The following LOXL2 variants were observed in gnomAD, a reference collection of about 807,000 sequenced individuals.
LOXL2 encodes lysyl oxidase homolog 2.
Under a neutral mutation model 93.0 loss-of-function variants are expected in LOXL2, and 70 were observed. That is an observed-to-expected ratio of 0.75 (90% CI 0.62 to 0.92). LOXL2 has a LOEUF of 0.92. Among genes scored for constraint, LOXL2 ranks in the 40% least tolerant of loss-of-function variants. LOXL2 has a pLI of 0.00. For synonymous variants in LOXL2, 438 were observed against 413.2 expected (o/e 1.06, Z -0.73); for missense variants, 973 against 1,054.9 (o/e 0.92, Z 1.08).
chr8:23,346,550 T>C (rs1348219580), intron 3 of LOXL2, among the ~76,000 whole-genome samples: 1 of 152,208 alleles, frequency 6.6e-6, no homozygotes, highest in Non-Finnish European at 1.5e-5. Context: ...TAAATGACAT[T>C]TCATATTTGC....
chr8:23,342,545 C>A (rs2117183129), intron 3 of LOXL2, among the ~76,000 whole-genome samples: 1 of 151,622 alleles, frequency 6.6e-6, no homozygotes, highest in African/African-American at 2.4e-5. Context: ...CATTCTCCTG[C>A]CTCAGCCTCC....
At chr8:23,371,491 G>A (rs1388908435) in intron 1 of LOXL2, among the ~76,000 whole-genome samples, 1 of 152,050 alleles carries the variant, frequency 6.6e-6, no homozygotes, top group Non-Finnish European at 1.5e-5. Flanking sequence ...AGTGGCTCAC[G>A]CCTGTAATCC....
rs1333043615 is a variant in LOXL2 at position 23,340,988 on chromosome 8, T to C, written c.743+4A>G. 1 of 1,613,482 alleles carries C rather than the reference T, an allele frequency of 6.2e-7. No individual in the cohort carries two copies. The highest frequency in any genetic ancestry group is 1.1e-5 in the South Asian group (1 of 91,068). ...AAGCCACCCCTTTGGTGCAGTCCTC[T>C]TACTTGTACACTTTGGTATTGTATG... On this transcript the variant is annotated splice_donor_region_variant and intron_variant, in intron 4 of 13. Coordinates refer to ENST00000389131, the MANE Select transcript of LOXL2 (RefSeq NM_002318.3).
intron 8 of LOXL2, among the ~76,000 whole-genome samples, chr8:23,318,102 G>A (rs1237033320): frequency 6.6e-6 from 1 of 151,870 alleles, no homozygotes; most frequent in Non-Finnish European, 1.5e-5. Flanking sequence ...TTAATCAGTA[G>A]ACTTTGAGTA....
At chr8:23,387,050 C>T (rs927092509) in intron 1 of LOXL2, among the ~76,000 whole-genome samples, 2 of 152,046 alleles carry the variant, frequency 1.3e-5, no homozygotes, top group Admixed American at 1.3e-4. Flanking sequence ...AGGAGTGGGT[C>T]GTAATTAAAG....
chr8:23,301,954 A>G lies in LOXL2; in HGVS notation c.2133+73T>C, dbSNP rs115543802. On this transcript the variant is annotated intron_variant, in intron 12 of 13. Coordinates refer to ENST00000389131, the MANE Select transcript of LOXL2 (RefSeq NM_002318.3). Reference sequence around the variant, plus strand: ...CTTCCATGCCCCTGTGTGGACACCAATGGGAAGGAGCCTGTGGAGGTGGCC... The same window carrying G: ...CTTCCATGCCCCTGTGTGGACACCAGTGGGAAGGAGCCTGTGGAGGTGGCC... 6.5e-4 allele frequency: 1,030 copies of G among 1,581,738 alleles called. 7 individuals carry two copies. The African/African-American group carries it at 0.013, about 20-fold the overall frequency.
At chr8:23,373,510 G>A (rs7818416) in intron 1 of LOXL2, among the ~76,000 whole-genome samples, 49,187 of 151,966 alleles carry the variant, frequency 0.32, 8,140 homozygotes, top group East Asian at 0.44. Flanking sequence ...AAGTTTTTGG[G>A]TTGCTTTTTA....
chr8:23,316,807 C>G, intron 9 of LOXL2, 142 bp downstream of exon 9: 1 of 835,830 alleles, frequency 1.2e-6, no homozygotes, highest in Non-Finnish European at 1.8e-6. Flanking sequence ...CTCTCTTGCC[C>G]CCAGTTTTTC....
At chr8:23,345,415 C>T (rs1304048345) in intron 3 of LOXL2, among the ~76,000 whole-genome samples, 3 of 152,202 alleles carry the variant, frequency 2.0e-5, no homozygotes, top group Non-Finnish European at 4.4e-5. Context: ...GCCCAGCACC[C>T]CATGTCGAGG....
At chr8:23,392,107 A>G (rs941376858) in intron 1 of LOXL2, among the ~76,000 whole-genome samples, 1 of 152,166 alleles carries the variant, frequency 6.6e-6, no homozygotes, top group African/African-American at 2.4e-5. Flanking sequence ...CTAATAATCA[A>G]TCCTTTAGGC....
chr8:23,392,441 C>T (rs1298514837), intron 1 of LOXL2, among the ~76,000 whole-genome samples: 6 of 152,198 alleles, frequency 3.9e-5, no homozygotes, highest in Non-Finnish European at 8.8e-5. Context: ...AGAGAGAGAC[C>T]TGCAGGTCCT....
At chr8:23,338,788 C>T (rs1184570187) in intron 4 of LOXL2, among the ~76,000 whole-genome samples, 1 of 152,232 alleles carries the variant, frequency 6.6e-6, no homozygotes, top group Admixed American at 6.5e-5. Context: ...TATCCCTAGT[C>T]CCAGGCCAGT....
At chr8:23,333,317 C>T (rs1803735249) in intron 5 of LOXL2, 84 bp downstream of exon 5, 2 of 1,312,216 alleles carry the variant, frequency 1.5e-6, no homozygotes, top group Admixed American at 3.4e-5. Context: ...CTTCCTCACT[C>T]TCCTGGGGGA....
chr8:23,349,969 T>C (rs768065139), intron 3 of LOXL2, among the ~76,000 whole-genome samples: 1 of 152,164 alleles, frequency 6.6e-6, no homozygotes, highest in African/African-American at 2.4e-5. Flanking sequence ...AATAAAGTTA[T>C]GCAGTCCTCA....
At chr8:23,342,455 G>A (rs1290655345) in intron 3 of LOXL2, among the ~76,000 whole-genome samples, 56 of 146,648 alleles carry the variant, frequency 3.8e-4, no homozygotes, top group African/African-American at 5.6e-4. Context: ...TTTTTGAGAC[G>A]GAGTCTCGCT....
rs781170742 is a variant in LOXL2 at position 23,341,045 on chromosome 8, G to A, written c.690C>T (p.Val230=). The A allele has an allele frequency of 6.2e-7, 1 of 1,614,162 alleles. No individual in the cohort carries two copies. Among genetic ancestry groups the A allele is most frequent in the Admixed American group, 1.7e-5 (1 of 60,032 alleles). Residue 230 remains valine (V), a synonymous_variant, in exon 4 of 14, where the codon GTC becomes GTT. Coordinates refer to ENST00000389131, the MANE Select transcript of LOXL2 (RefSeq NM_002318.3). ...CCCCAGGGAAGCCAAACATGCCGCAGACCACGCGGGAATTCTTGGCCGTCC... is the reference window on the plus strand; with the variant it reads ...CCCCAGGGAAGCCAAACATGCCGCAAACCACGCGGGAATTCTTGGCCGTCC... ...KHWTAKNSRV[V]CGMFGFPGER... is the part of the protein sequence containing the mutation.
chr8:23,309,940 G>C, intron 9 of LOXL2, 29 bp from the exon 10 acceptor site: 1 of 1,434,268 alleles, frequency 7.0e-7, no homozygotes, highest in Non-Finnish European at 9.2e-7. Flanking sequence ...TGGTCAACAA[G>C]GCAAGAGACC....
chr8:23,339,581 T>C (rs1803847874), intron 4 of LOXL2, among the ~76,000 whole-genome samples: 1 of 152,100 alleles, frequency 6.6e-6, no homozygotes, highest in Admixed American at 6.5e-5. Flanking sequence ...CTGTCCAGCT[T>C]AGAACAGCAG....
At position 23,369,404 on chromosome 8, in the gene LOXL2, C is replaced by G. The variant is rs556949584; in HGVS notation, c.-83-970G>C. Among the ~76,000 whole-genome samples the G allele has an allele frequency of 7.2e-5, 11 of 152,128 alleles. No homozygotes were observed. In the South Asian group the frequency reaches 2.3e-3, roughly 32 times the overall value. On this transcript the variant is annotated intron_variant, in intron 1 of 13. Coordinates refer to ENST00000389131, the MANE Select transcript of LOXL2 (RefSeq NM_002318.3). The stretch of plus-strand genomic sequence containing the variant: ...TGTCTTGTGGAGAAACATGCAGGGC[C>G]CCAAACCAGGATGAGCAGGTGGAAG...
Sources: allele counts gnomAD v4.1 joint callset (sites outside exome capture counted in the v4.1 genomes callset), GRCh38; gene constraint gnomAD v4.1.1; transcripts MANE v1.5; gene names NCBI Gene and HGNC (gene_info 2026-07-23, HGNC 2026-07-21).